The following GLIS3 variants were observed in gnomAD, a reference collection of about 807,000 sequenced individuals.
GLIS3 encodes zinc finger protein GLIS3.
In GLIS3, 53 loss-of-function variants were observed where a neutral mutation model predicts 78.6. The observed-to-expected ratio is 0.67, with a 90% CI of 0.54 to 0.85. GLIS3 has a LOEUF of 0.85. Among genes scored for constraint, GLIS3 ranks in the 40% least tolerant of loss-of-function variants. The pLI is 0.00. For synonymous variants in GLIS3, 684 were observed against 509.9 expected, an observed-to-expected ratio of 1.34 and a Z score of -4.60; for missense variants, 1,703 against 1,231.1, an observed-to-expected ratio of 1.38 and a Z score of -5.74.
chr9:4,322,596 T>G (rs919652953), intron 2 of GLIS3, among the ~76,000 whole-genome samples: 1 of 152,304 alleles, frequency 6.6e-6, no homozygotes, highest in East Asian at 1.9e-4. Context: ...TTTTAATGAT[T>G]GCCATTCTAA....
intron 2 of GLIS3, among the ~76,000 whole-genome samples, chr9:4,174,641 C>G (rs1222986403): frequency 6.6e-6 from 1 of 152,172 alleles, no homozygotes; most frequent in Non-Finnish European, 1.5e-5. Flanking sequence ...CAAGCAGATG[C>G]TAAGTCTGTA....
the GLIS3 span, among the ~76,000 whole-genome samples, chr9:4,397,565 C>G: frequency 1.3e-5 from 2 of 151,250 alleles, no homozygotes; most frequent in Non-Finnish European, 2.9e-5. Flanking sequence ...TGTAACCCTG[C>G]TGTGTGCTGT....
intron 4 of GLIS3, among the ~76,000 whole-genome samples, chr9:4,307,349 G>T (rs1258570988): frequency 6.6e-6 from 1 of 152,108 alleles, no homozygotes; most frequent in Non-Finnish European, 1.5e-5. Context: ...AATTATACAT[G>T]TAATGACCTG....
intron 4 of GLIS3, among the ~76,000 whole-genome samples, chr9:3,950,989 A>G (rs1037304611): frequency 1.3e-5 from 2 of 152,244 alleles, no homozygotes; most frequent in Admixed American, 6.5e-5. Flanking sequence ...AGATGAGACA[A>G]ACTTACAGAA....
the GLIS3 span, among the ~76,000 whole-genome samples, chr9:4,445,748 A>C: frequency 6.6e-6 from 1 of 152,346 alleles, no homozygotes; most frequent in East Asian, 1.9e-4. Flanking sequence ...GGCGCAACTC[A>C]AACTTTCCAT....
chr9:4,173,460 T>C (rs1049655939), intron 2 of GLIS3, among the ~76,000 whole-genome samples: 1 of 152,122 alleles, frequency 6.6e-6, no homozygotes, highest in African/African-American at 2.4e-5. Flanking sequence ...TGGAACAATG[T>C]GGGGCATAAG....
intron 2 of GLIS3, among the ~76,000 whole-genome samples, chr9:4,164,030 T>A (rs1221190323): frequency 6.6e-6 from 1 of 152,218 alleles, no homozygotes; most frequent in African/African-American, 2.4e-5. Flanking sequence ...TAATCTACTT[T>A]ATTCTCATCC....
intron 9 of GLIS3, among the ~76,000 whole-genome samples, chr9:3,854,708 T>C (rs897703875): frequency 2.7e-5 from 4 of 149,768 alleles, no homozygotes; most frequent in African/African-American, 1.0e-4. Context: ...GGCTAATTTT[T>C]TTTTTTTTTG....
intron 2 of GLIS3, among the ~76,000 whole-genome samples, chr9:4,218,421 G>A (rs1266659930): frequency 1.3e-5 from 2 of 152,122 alleles, no homozygotes; most frequent in African/African-American, 4.8e-5. Context: ...TGGGACTACA[G>A]GCACCCGCCA....
chr9:4,406,091 A>G, the GLIS3 span, among the ~76,000 whole-genome samples: 2 of 152,226 alleles, frequency 1.3e-5, no homozygotes, highest in Admixed American at 6.5e-5. Context: ...CTACATAACA[A>G]AAGACTGTAT....
intron 2 of GLIS3, among the ~76,000 whole-genome samples, chr9:4,126,674 AGCAAAGAGTTTGAGAAAG>A (rs1832607197): frequency 6.6e-6 from 1 of 152,248 alleles, no homozygotes; most frequent in African/African-American, 2.4e-5. Flanking sequence ...AAAAGTGAAA[AGCAAAGAGTTTGAGAAAG>A]GCAAACACTG....
At chr9:4,343,875 G>A (rs1817869798) in intron 2 of GLIS3, among the ~76,000 whole-genome samples, 1 of 152,042 alleles carries the variant, frequency 6.6e-6, no homozygotes, top group African/African-American at 2.4e-5. Flanking sequence ...GAGTACACAT[G>A]GACTCAAAGA....
chr9:4,266,425 A>G (rs1826011486), intron 2 of GLIS3, among the ~76,000 whole-genome samples: 1 of 152,186 alleles, frequency 6.6e-6, no homozygotes, highest in Non-Finnish European at 1.5e-5. Flanking sequence ...GCTCCAGACA[A>G]AAGAACCATC....
intron 3 of GLIS3, among the ~76,000 whole-genome samples, chr9:4,309,442 G>T (rs190776110): frequency 6.6e-6 from 1 of 152,170 alleles, no homozygotes; most frequent in East Asian, 1.9e-4. Context: ...AACAGGAATT[G>T]TGTGGCATAA....
intron 4 of GLIS3, among the ~76,000 whole-genome samples, chr9:4,099,290 G>T (rs146676645): frequency 8.5e-5 from 13 of 152,290 alleles, no homozygotes; most frequent in Non-Finnish European, 1.8e-4. Flanking sequence ...AAATCAAGGT[G>T]TGGGTCTGAG....
intron 4 of GLIS3, among the ~76,000 whole-genome samples, chr9:4,092,872 T>C (rs979122329): frequency 6.6e-6 from 1 of 152,254 alleles, no homozygotes; most frequent in African/African-American, 2.4e-5. Context: ...TTATGTGCTG[T>C]ACATAACTAT....
At chr9:4,454,302 G>A in the GLIS3 span, among the ~76,000 whole-genome samples, 1 of 152,162 alleles carries the variant, frequency 6.6e-6, no homozygotes, top group Non-Finnish European at 1.5e-5. Flanking sequence ...ACCACAACTG[G>A]CCACCACACT....
chr9:4,369,239 G>GT, the GLIS3 span, among the ~76,000 whole-genome samples: 5 of 152,070 alleles, frequency 3.3e-5, no homozygotes, highest in South Asian at 1.0e-3. Context: ...CCGAAGAAGT[G>GT]TTCCCAAAGA....
intron 1 of GLIS3, among the ~76,000 whole-genome samples, chr9:4,289,750 A>G (rs776023412): frequency 1.3e-5 from 2 of 152,166 alleles, no homozygotes; most frequent in African/African-American, 2.4e-5. Flanking sequence ...TGGCATAGCT[A>G]GAGTTTTATA....
Sources: allele counts gnomAD v4.1 joint callset (sites outside exome capture counted in the v4.1 genomes callset), GRCh38; gene constraint gnomAD v4.1.1; transcripts MANE v1.5; gene names NCBI Gene and HGNC (gene_info 2026-07-23, HGNC 2026-07-21).